The following SLC35F4 variants were observed in gnomAD, a reference collection of about 807,000 sequenced individuals.
SLC35F4 encodes the protein solute carrier family 35 member F4, also known as chromosome 14 open reading frame 36.
SLC35F4 carries 24 observed loss-of-function variants against 44.2 expected under a neutral mutation model. The observed-to-expected ratio is 0.54, with a 90% CI of 0.39 to 0.76. The LOEUF (loss-of-function observed/expected upper bound fraction) is 0.76. Ranked by LOEUF, SLC35F4 falls within the 30% of genes least tolerant of loss-of-function variation. SLC35F4 has a pLI of 0.00. For synonymous variants in SLC35F4, 238 were observed against 223.6 expected (o/e 1.06, Z -0.57); for missense variants, 562 against 586.1 (o/e 0.96, Z 0.42).
At chr14:57,798,692 A>G (rs1477392014) in intron 1 of SLC35F4, among the ~76,000 whole-genome samples, 1 of 152,216 alleles carries the variant, frequency 6.6e-6, no homozygotes, top group Non-Finnish European at 1.5e-5. Context: ...AATCAACTTT[A>G]TAGGAAATGT....
intron 1 of SLC35F4, among the ~76,000 whole-genome samples, chr14:57,955,383 A>G (rs1416183157): frequency 6.6e-6 from 1 of 152,202 alleles, no homozygotes; most frequent in Non-Finnish European, 1.5e-5. Flanking sequence ...AAACAAGTAC[A>G]AGACAAGTAT....
chr14:57,667,313 A>G (rs1159598349), intron 1 of SLC35F4, among the ~76,000 whole-genome samples: 1 of 151,506 alleles, frequency 6.6e-6, no homozygotes, highest in East Asian at 1.9e-4. Flanking sequence ...ACCTTACAAA[A>G]TATTTTACTT....
chr14:57,639,498 A>G (rs138573067), intron 1 of SLC35F4, among the ~76,000 whole-genome samples: 89 of 152,164 alleles, frequency 5.8e-4, no homozygotes, highest in African/African-American at 2.0e-3. Flanking sequence ...TGGGTTTACC[A>G]AAACACAAGA....
chr14:57,720,718 G>A (rs1444872877), intron 1 of SLC35F4, among the ~76,000 whole-genome samples: 2 of 152,014 alleles, frequency 1.3e-5, no homozygotes, highest in Non-Finnish European at 2.9e-5. Flanking sequence ...GGCTGGGAAA[G>A]ACAGACCCAT....
At chr14:57,846,845 C>A (rs1886072572) in intron 1 of SLC35F4, among the ~76,000 whole-genome samples, 1 of 152,142 alleles carries the variant, frequency 6.6e-6, no homozygotes, top group Non-Finnish European at 1.5e-5. Flanking sequence ...CCATAGGCCC[C>A]AGCCTAAACC....
intron 1 of SLC35F4, among the ~76,000 whole-genome samples, chr14:57,711,875 G>A (rs1200732487): frequency 6.6e-6 from 1 of 152,172 alleles, no homozygotes; most frequent in Non-Finnish European, 1.5e-5. Flanking sequence ...TTAACTTACA[G>A]CCTTCAGTGA....
At chr14:57,666,962 C>T (rs17093540) in intron 1 of SLC35F4, among the ~76,000 whole-genome samples, 14 of 151,226 alleles carry the variant, frequency 9.3e-5, no homozygotes, top group African/African-American at 2.2e-4. Context: ...GCCAAATGCA[C>T]GGAGTTCTCT....
intron 1 of SLC35F4, among the ~76,000 whole-genome samples, chr14:57,635,469 T>G (rs1372744277): frequency 6.6e-6 from 1 of 152,052 alleles, no homozygotes; most frequent in Non-Finnish European, 1.5e-5. Context: ...CTGTGCAGTC[T>G]GTTGCTCAGA....
At chr14:57,727,891 T>C (rs1277457741) in intron 1 of SLC35F4, among the ~76,000 whole-genome samples, 1 of 152,244 alleles carries the variant, frequency 6.6e-6, no homozygotes, top group African/African-American at 2.4e-5. Context: ...AAATATCTAT[T>C]AGTTCCATTT....
chr14:57,842,669 C>T (rs554320985), intron 1 of SLC35F4, among the ~76,000 whole-genome samples: 1 of 152,142 alleles, frequency 6.6e-6, no homozygotes, highest in Admixed American at 6.5e-5. Flanking sequence ...TGCACTCTCA[C>T]AGCCGGCTAC....
rs779910517 is a variant in SLC35F4 at position 57,593,938 on chromosome 14, C to T, written c.289+1G>A. The T allele has an allele frequency of 6.2e-7, 1 of 1,613,590 alleles. No homozygotes were observed. The highest frequency in any genetic ancestry group is 8.5e-7 in the Non-Finnish European group (1 of 1,179,774). ...TATTTAAGAGGAGGTCACCCACATA[C>T]CTGATCTGTTCTGTCTCTCAACTCT... is the stretch of plus-strand genomic sequence containing the variant. On this transcript the variant is annotated splice_donor_variant, in intron 2 of 7. Coordinates refer to ENST00000556826, the MANE Select transcript of SLC35F4 (RefSeq NM_001306087.2). LOFTEE classifies it high-confidence loss of function.
At chr14:57,644,022 G>C (rs1224549887) in intron 1 of SLC35F4, among the ~76,000 whole-genome samples, 1 of 152,112 alleles carries the variant, frequency 6.6e-6, no homozygotes, top group Non-Finnish European at 1.5e-5. Context: ...TATCATTGTT[G>C]GACATTTGGG....
chr14:57,770,691 T>A (rs546146833), intron 1 of SLC35F4, among the ~76,000 whole-genome samples: 2 of 152,268 alleles, frequency 1.3e-5, no homozygotes, highest in African/African-American at 4.8e-5. Flanking sequence ...ATATTTGTGA[T>A]TTGCAAGGAT....
At chr14:57,619,396 A>G (rs566460410) in intron 1 of SLC35F4, among the ~76,000 whole-genome samples, 3 of 152,322 alleles carry the variant, frequency 2.0e-5, no homozygotes, top group African/African-American at 7.2e-5. Context: ...TACCCAGGCA[A>G]AAAAGGTCTG....
intron 1 of SLC35F4, among the ~76,000 whole-genome samples, chr14:57,902,657 T>G (rs748507309): frequency 6.6e-6 from 1 of 151,976 alleles, no homozygotes; most frequent in Non-Finnish European, 1.5e-5. Context: ...AAAAATCATG[T>G]GTATAAAAAT....
chr14:57,673,666 G>A (rs551775848), intron 1 of SLC35F4, among the ~76,000 whole-genome samples: 4 of 152,130 alleles, frequency 2.6e-5, no homozygotes, highest in Non-Finnish European at 4.4e-5. Flanking sequence ...AGGGTCAAGA[G>A]GGATGAATGC....
intron 5 of SLC35F4, among the ~76,000 whole-genome samples, chr14:57,570,240 C>T (rs936720226): frequency 2.6e-5 from 4 of 152,262 alleles, no homozygotes; most frequent in African/African-American, 9.6e-5. Flanking sequence ...GTGTTTAGTG[C>T]CACCATCAGT....
At chr14:57,924,475 G>A (rs117087975) in intron 1 of SLC35F4, among the ~76,000 whole-genome samples, 6,129 of 151,266 alleles carry the variant, frequency 0.041, 345 homozygotes, top group African/African-American at 0.12. Flanking sequence ...TTAAGACGGA[G>A]ACTCGCTCTG....
At chr14:57,727,501 T>C (rs980459154) in intron 1 of SLC35F4, among the ~76,000 whole-genome samples, 2 of 151,934 alleles carry the variant, frequency 1.3e-5, no homozygotes, top group Non-Finnish European at 2.9e-5. Flanking sequence ...TAGCTTTTTT[T>C]TTTTCTTTTT....
Sources: gnomAD v4.1 joint callset for allele counts (sites outside exome capture counted in the v4.1 genomes callset) on GRCh38, gnomAD v4.1.1 for gene constraint, MANE v1.5 for transcripts, NCBI Gene and HGNC (gene_info 2026-07-23, HGNC 2026-07-21) for gene names.